The following STAU2 variants were observed in gnomAD, a reference collection of about 807,000 sequenced individuals.
The protein encoded by STAU2 is double-stranded RNA-binding protein Staufen homolog 2.
A neutral mutation model predicts 65.9 loss-of-function variants in STAU2; 20 were observed. The ratio of observed to expected loss-of-function variants is 0.30; its 90% CI spans 0.21 to 0.44. The LOEUF (loss-of-function observed/expected upper bound fraction) is 0.44, where lower values mean the gene tolerates loss of function less well. Ranked by LOEUF, STAU2 falls within the 20% of genes least tolerant of loss-of-function variation. STAU2 has a pLI of 1.00. For synonymous variants in STAU2, 232 were observed against 233.9 expected (o/e 0.99, Z 0.07); for missense variants, 558 against 683.9 (o/e 0.82, Z 2.05).
intron 5 of STAU2, among the ~76,000 whole-genome samples, chr8:73,684,508 A>G (rs1038554791): frequency 3.3e-5 from 5 of 152,224 alleles, no homozygotes; most frequent in African/African-American, 1.2e-4. Context: ...TAAAAATTCT[A>G]GAAGATAACA....
intron 13 of STAU2, among the ~76,000 whole-genome samples, chr8:73,453,523 T>C (rs1428891883): frequency 2.0e-5 from 3 of 152,222 alleles, no homozygotes; most frequent in African/African-American, 7.2e-5. Flanking sequence ...AAACACACTC[T>C]AGATTCTAAG....
chr8:73,520,816 A>G (rs1822999511), intron 13 of STAU2, among the ~76,000 whole-genome samples: 1 of 152,188 alleles, frequency 6.6e-6, no homozygotes. Context: ...CCTTGCTGAC[A>G]TCATTGAGCT....
intron 5 of STAU2, among the ~76,000 whole-genome samples, chr8:73,679,958 T>G (rs1818296366): frequency 7.7e-6 from 1 of 130,164 alleles, no homozygotes; most frequent in South Asian, 2.7e-4. Flanking sequence ...CTGTAGACAC[T>G]CCCAGTCCCT....
At chr8:73,494,836 GGAA>G (rs1273649549) in intron 13 of STAU2, among the ~76,000 whole-genome samples, 3 of 151,360 alleles carry the variant, frequency 2.0e-5, no homozygotes, top group Non-Finnish European at 4.4e-5. Context: ...AAATTTTAAC[GGAA>G]GTTTTGTTAA....
At chr8:73,549,739 A>C in intron 13 of STAU2, 1 of 985,834 alleles carries the variant, frequency 1.0e-6, no homozygotes, top group Non-Finnish European at 1.2e-6. Context: ...AATAAGCAAC[A>C]GTATCTGTTC....
At chr8:73,479,472 G>GCACACACACACA (rs5892420) in intron 13 of STAU2, among the ~76,000 whole-genome samples, 13,241 of 139,716 alleles carry the variant, frequency 0.095, 774 homozygotes, top group Admixed American at 0.17. Context: ...TCCCTATTCT[G>GCACACACACACA]CACACACACA....
chr8:73,586,411 T>C (rs1025673865), intron 11 of STAU2, among the ~76,000 whole-genome samples: 1 of 152,062 alleles, frequency 6.6e-6, no homozygotes, highest in Non-Finnish European at 1.5e-5. Flanking sequence ...TGCCTACCCC[T>C]TCCTAATAGG....
At chr8:73,612,983 C>T (rs1393559606) in intron 9 of STAU2, among the ~76,000 whole-genome samples, 2 of 152,208 alleles carry the variant, frequency 1.3e-5, no homozygotes, top group African/African-American at 4.8e-5. Context: ...TGATATTTAC[C>T]TTGCTTCTCT....
intron 5 of STAU2, among the ~76,000 whole-genome samples, chr8:73,676,797 T>C (rs944152662): frequency 4.6e-5 from 7 of 152,190 alleles, no homozygotes; most frequent in Non-Finnish European, 8.8e-5. Flanking sequence ...GGTTTCACCA[T>C]GTTGGCCAGG....
chr8:73,593,060 C>T (rs1810939746), intron 11 of STAU2, among the ~76,000 whole-genome samples: 1 of 152,104 alleles, frequency 6.6e-6, no homozygotes, highest in African/African-American at 2.4e-5. Context: ...TTGCATGCAT[C>T]TTATCTACTA....
chr8:73,569,931 G>A (rs1378156745), intron 12 of STAU2, among the ~76,000 whole-genome samples: 6 of 152,178 alleles, frequency 3.9e-5, no homozygotes, highest in Admixed American at 2.0e-4. Flanking sequence ...ACAGCTCCTC[G>A]CCAGCAACGG....
chr8:73,557,268 A>C (rs986307447), intron 12 of STAU2, among the ~76,000 whole-genome samples: 1 of 152,198 alleles, frequency 6.6e-6, no homozygotes, highest in African/African-American at 2.4e-5. Flanking sequence ...CTTCACAAAT[A>C]AAGATTACTT....
At chr8:73,649,202 T>A (rs937735331) in intron 6 of STAU2, among the ~76,000 whole-genome samples, 2 of 152,212 alleles carry the variant, frequency 1.3e-5, no homozygotes, top group African/African-American at 4.8e-5. Context: ...GACCGAGATT[T>A]CCAAACATTC....
chr8:73,511,887 G>A (rs377291327), intron 13 of STAU2, among the ~76,000 whole-genome samples: 1 of 152,030 alleles, frequency 6.6e-6, no homozygotes, highest in Non-Finnish European at 1.5e-5. Context: ...TAAAGTTTTG[G>A]GTTTTACATT....
chr8:73,647,479 T>C (rs1355474432), intron 6 of STAU2, among the ~76,000 whole-genome samples: 1 of 152,066 alleles, frequency 6.6e-6, no homozygotes. Flanking sequence ...AACACATTCA[T>C]GGTTGCCAAG....
At chr8:73,689,146 A>T (rs767054054) in intron 4 of STAU2, among the ~76,000 whole-genome samples, 5 of 152,220 alleles carry the variant, frequency 3.3e-5, no homozygotes, top group Non-Finnish European at 7.3e-5. Flanking sequence ...AGAAATAATA[A>T]GAGAAACTGT....
At chr8:73,571,391 G>C (rs896671205) in intron 12 of STAU2, among the ~76,000 whole-genome samples, 1 of 152,156 alleles carries the variant, frequency 6.6e-6, no homozygotes, top group Non-Finnish European at 1.5e-5. Context: ...TCTGCACCAA[G>C]TGGACCTAAT....
At chr8:73,633,160 T>C (rs1461503296) in intron 6 of STAU2, among the ~76,000 whole-genome samples, 3 of 152,262 alleles carry the variant, frequency 2.0e-5, no homozygotes. Context: ...TGGTTTACTA[T>C]ATGCCGGCAC....
At chr8:73,744,297 C>A (rs769400879) in intron 1 of STAU2, among the ~76,000 whole-genome samples, 1 of 151,924 alleles carries the variant, frequency 6.6e-6, no homozygotes, top group Non-Finnish European at 1.5e-5. Flanking sequence ...ATAAGAGGCA[C>A]AAATATATCT....
Sources: gnomAD v4.1 joint callset for allele counts (sites outside exome capture counted in the v4.1 genomes callset) on GRCh38, gnomAD v4.1.1 for gene constraint, MANE v1.5 for transcripts, NCBI Gene and HGNC (gene_info 2026-07-23, HGNC 2026-07-21) for gene names.